CACNA2D1: variants seen among roughly 807,000 people sequenced by gnomAD.
CACNA2D1 encodes the protein voltage-dependent calcium channel subunit alpha-2/delta-1.
CACNA2D1 carries 53 observed loss-of-function variants against 171.5 expected under a neutral mutation model. That is an observed-to-expected ratio of 0.31 (90% CI 0.25 to 0.39). CACNA2D1 has a LOEUF of 0.39. CACNA2D1 is among the 10% of genes least tolerant of loss of function. The pLI is 1.00. For synonymous variants in CACNA2D1, 442 were observed against 443.1 expected, an observed-to-expected ratio of 1.00 and a Z score of 0.03; for missense variants, 903 against 1,299.8, an observed-to-expected ratio of 0.69 and a Z score of 4.69.
chr7:82,084,458 G>A (rs1810203051), intron 7 of CACNA2D1, among the ~76,000 whole-genome samples: 1 of 152,096 alleles, frequency 6.6e-6, no homozygotes, highest in East Asian at 1.9e-4. Context: ...GAGCAGTTGG[G>A]CCTTTATCTC....
At chr7:82,103,467 C>T (rs1301328745) in intron 6 of CACNA2D1, among the ~76,000 whole-genome samples, 1 of 152,078 alleles carries the variant, frequency 6.6e-6, no homozygotes, top group Non-Finnish European at 1.5e-5. Flanking sequence ...GTGGTTATGG[C>T]ATTTTTTTAC....
Position 82,367,183 on chromosome 7 carries a change from T to TTTTGAGTTTTTA in CACNA2D1, c.96-17535_96-17534insTAAAAACTCAAA, listed in dbSNP as rs1440555613. Among the ~76,000 whole-genome samples, 4 of 152,042 alleles carry TTTTGAGTTTTTA rather than the reference T, an allele frequency of 2.6e-5. No individual in the cohort carries two copies. In the East Asian group the frequency reaches 7.7e-4, roughly 29 times the overall value. On this transcript the variant is annotated intron_variant, in intron 1 of 38. Coordinates refer to ENST00000356860, the MANE Select transcript of CACNA2D1 (RefSeq NM_000722.4). ...CCTCAGCCTCCCAAAGGGGTAGGAT[T>TTTTGAGTTTTTA]ACAGCATGAGCCACCATGCCTGGCT...
At chr7:82,232,861 CAAAAAAAAAA>C (rs71093370) in intron 3 of CACNA2D1, among the ~76,000 whole-genome samples, 6 of 52,412 alleles carry the variant, frequency 1.1e-4, no homozygotes, top group African/African-American at 4.0e-4. Context: ...GAGATGTCTC[CAAAAAAAAAA>C]AAAAAAAAAA....
At chr7:82,212,784 A>C (rs10269005) in intron 3 of CACNA2D1, among the ~76,000 whole-genome samples, 3,870 of 152,290 alleles carry the variant, frequency 0.025, 164 homozygotes, top group African/African-American at 0.086. Context: ...TGCTGGTATA[A>C]TATGCCATTA....
intron 32 of CACNA2D1, among the ~76,000 whole-genome samples, chr7:81,965,093 AAAAC>A (rs572373869): frequency 9.9e-5 from 15 of 151,980 alleles, no homozygotes; most frequent in South Asian, 4.1e-4. Context: ...ATCCAGAAAA[AAAAC>A]AAACAAAGCC....
intron 3 of CACNA2D1, among the ~76,000 whole-genome samples, chr7:82,296,788 T>C (rs1812338838): frequency 6.6e-6 from 1 of 152,130 alleles, no homozygotes; most frequent in Admixed American, 6.5e-5. Flanking sequence ...CACTCCAACC[T>C]GTAGGAGCCT....
rs1043041322 is a variant in CACNA2D1 at position 82,013,527 on chromosome 7, T to A, written c.1223-17A>T. 1.0e-5 allele frequency: 9 copies of A among 893,238 alleles called. No homozygotes were observed. The highest frequency in any genetic ancestry group is 8.0e-5 in the Admixed American group (3 of 37,340). 55.3% of individuals were successfully genotyped at this position (893,238 alleles called of 1,614,324 possible). ...AATAATAACCTGAAATATACATATA[T>A]GTTTTTATACATAAATGTTACTTTA... On this transcript the variant is annotated splice_polypyrimidine_tract_variant and intron_variant, in intron 13 of 38. Coordinates refer to ENST00000356860, the MANE Select transcript of CACNA2D1 (RefSeq NM_000722.4).
At chr7:82,111,450 T>A (rs200546746) in intron 6 of CACNA2D1, among the ~76,000 whole-genome samples, 7,988 of 100,222 alleles carry the variant, frequency 0.08, 736 homozygotes, top group East Asian at 0.2. Flanking sequence ...ATATATTTTT[T>A]TTTTTTTTTT....
At chr7:82,240,900 G>A (rs1310272884) in intron 3 of CACNA2D1, among the ~76,000 whole-genome samples, 2 of 151,940 alleles carry the variant, frequency 1.3e-5, no homozygotes, top group Non-Finnish European at 2.9e-5. Flanking sequence ...CCGAGAGGTG[G>A]AGGTTGCAGT....
At chr7:82,279,945 G>T (rs1171404448) in intron 3 of CACNA2D1, among the ~76,000 whole-genome samples, 1 of 151,822 alleles carries the variant, frequency 6.6e-6, no homozygotes, top group East Asian at 1.9e-4. Context: ...AAACTAATTG[G>T]ACCTAAATAT....
chr7:81,978,750 A>AGTGTGCGTGT lies in CACNA2D1; in HGVS notation c.1955+3816_1955+3817insACACGCACAC, dbSNP rs541384324. On this transcript the variant is annotated intron_variant, in intron 24 of 38. Coordinates refer to ENST00000356860, the MANE Select transcript of CACNA2D1 (RefSeq NM_000722.4). ...AAGTTAAAGTAAATTTTTTTTAAAA[A>AGTGTGCGTGT]GTGTATATATATATATATATACACA... Among the ~76,000 whole-genome samples the AGTGTGCGTGT allele has an allele frequency of 9.1e-4, 70 of 76,928 alleles. No homozygotes were observed. The South Asian group carries it at 0.019, about 21-fold the overall frequency. The allele number at this position is 76,928 out of a possible 152,430, so 50.5% of individuals were successfully genotyped here.
chr7:82,097,624 G>A (rs868191185), intron 6 of CACNA2D1, among the ~76,000 whole-genome samples: 3 of 152,214 alleles, frequency 2.0e-5, no homozygotes, highest in Middle Eastern at 3.4e-3. Context: ...TGAACATAAC[G>A]TGAGGTGCTT....
intron 3 of CACNA2D1, among the ~76,000 whole-genome samples, chr7:82,273,132 T>G (rs1808857081): frequency 6.6e-6 from 1 of 152,138 alleles, no homozygotes; most frequent in African/African-American, 2.4e-5. Context: ...CCAACTTCGT[T>G]GCCTAAAAAA....
intron 8 of CACNA2D1, 36 bp from the exon 9 acceptor site, chr7:82,064,390 CA>C: frequency 6.8e-7 from 1 of 1,461,674 alleles, no homozygotes; most frequent in Non-Finnish European, 9.6e-7. Flanking sequence ...TTTTCTCTTC[CA>C]AAATATCAAA....
intron 1 of CACNA2D1, 23 bp downstream of exon 1, chr7:82,443,342 C>A (rs1298920910): frequency 6.3e-7 from 1 of 1,595,258 alleles, no homozygotes; most frequent in South Asian, 1.1e-5. Flanking sequence ...GGCCGGCGCT[C>A]CCTGCCCGGC....
chr7:82,402,299 A>G (rs368736814), intron 1 of CACNA2D1, among the ~76,000 whole-genome samples: 4 of 152,364 alleles, frequency 2.6e-5, no homozygotes, highest in African/African-American at 7.2e-5. Context: ...CATGTTCCAG[A>G]TACTTTCACA....
intron 3 of CACNA2D1, among the ~76,000 whole-genome samples, chr7:82,299,590 G>T (rs139047149): frequency 6.6e-6 from 1 of 151,680 alleles, no homozygotes; most frequent in Non-Finnish European, 1.5e-5. Flanking sequence ...AACCTGGGAG[G>T]CGGAGGTTAC....
intron 1 of CACNA2D1, among the ~76,000 whole-genome samples, chr7:82,399,219 C>T (rs762194063): frequency 2.0e-5 from 3 of 152,100 alleles, no homozygotes; most frequent in Admixed American, 6.5e-5. Context: ...GTGGGCGCAT[C>T]GCCTGAGGTC....
intron 3 of CACNA2D1, among the ~76,000 whole-genome samples, chr7:82,268,667 A>T (rs151263113): frequency 6.6e-6 from 1 of 152,280 alleles, no homozygotes; most frequent in East Asian, 1.9e-4. Flanking sequence ...TTGCATAAAA[A>T]GCTATATTGG....
Sources: gnomAD v4.1 joint callset for allele counts (sites outside exome capture counted in the v4.1 genomes callset) on GRCh38, gnomAD v4.1.1 for gene constraint, MANE v1.5 for transcripts, NCBI Gene and HGNC (gene_info 2026-07-23, HGNC 2026-07-21) for gene names.